The following CCN4 variants were observed in gnomAD, a reference collection of about 807,000 sequenced individuals.
CCN4 encodes CCN family member 4.
A neutral mutation model predicts 36.7 loss-of-function variants in CCN4; 30 were observed. The observed-to-expected ratio is 0.82, with a 90% CI of 0.61 to 1.11. The LOEUF (loss-of-function observed/expected upper bound fraction) is 1.11. CCN4 is among the 50% of genes least tolerant of loss of function. The pLI is 0.00. For synonymous variants in CCN4, 191 were observed against 195.4 expected (o/e 0.98, Z 0.19); for missense variants, 505 against 504.9 (o/e 1.00, Z 0.00).
chr8:133,209,412 T>G lies in CCN4; in HGVS notation c.70-3452T>G, dbSNP rs1301489035. On this transcript the variant is annotated intron_variant, in intron 1 of 4. Coordinates refer to ENST00000250160, the MANE Select transcript of CCN4 (RefSeq NM_003882.4). ...TGCACAGATCTTGTCCAGCACCTTC[T>G]CCTGAGTCTGGGAGATTTTCTACCA... Among the ~76,000 whole-genome samples, 7 of 152,300 alleles carry G rather than the reference T, an allele frequency of 4.6e-5. No individual in the cohort carries two copies. In the East Asian group the frequency reaches 1.4e-3, roughly 29 times the overall value.
intron 2 of CCN4, among the ~76,000 whole-genome samples, chr8:133,213,820 A>T (rs574355795): frequency 7.1e-4 from 104 of 145,598 alleles, no homozygotes; most frequent in Non-Finnish European, 1.0e-3. Flanking sequence ...TATACACTAT[A>T]TATAGTAGTT....
intron 1 of CCN4, 81 bp from the exon 2 acceptor site, chr8:133,212,783 C>A: frequency 1.8e-6 from 2 of 1,089,782 alleles, no homozygotes; most frequent in Non-Finnish European, 2.6e-6. Flanking sequence ...AGCATGAGGA[C>A]AGGAATGCAA....
rs773250312 is a variant in CCN4, at chr8:133,227,520, T to A, written c.914T>A (p.Met305Lys). The A allele has an allele frequency of 1.8e-5, 29 of 1,614,108 alleles. No individual in the cohort carries two copies. In the Admixed American group the frequency reaches 3.5e-4, roughly 19 times the overall value. ...SYQPKYCGVC[M>K]DNRCCIPYKS... ...CAACCCAAGTACTGTGGAGTTTGCA[T>A]GGACAATAGGTGCTGCATCCCCTAC... The change falls in exon 5 of 5, where the codon ATG becomes AAG. Residue 305 changes from methionine (M) to lysine (K), a missense_variant. Physicochemically the swap from Met to Lys is moderately conservative, Grantham distance 95. Coordinates refer to ENST00000250160, the MANE Select transcript of CCN4 (RefSeq NM_003882.4).
Position 133,227,642 on chromosome 8 carries a change from T to C in CCN4, c.1036T>C (p.Cys346Arg). The C allele has an allele frequency of 6.2e-7, 1 of 1,614,248 alleles. No homozygotes were observed. Among genetic ancestry groups the C allele is most frequent in the African/African-American group, 1.3e-5 (1 of 75,074 alleles). The change falls in exon 5 of 5, where the codon TGT (cysteine) becomes CGT (arginine). Residue 346 changes from cysteine to arginine, a missense_variant. Cys to Arg is a radical substitution (Grantham distance 180, BLOSUM62 -3). Transcript: ENST00000250160. Reference sequence around the variant, plus strand: ...TAATGCCTGCTTCTGTAACCTGAGCTGTAGGAATCCCAATGACATCTTTGC... The same window carrying C: ...TAATGCCTGCTTCTGTAACCTGAGCCGTAGGAATCCCAATGACATCTTTGC... The part of the protein sequence containing the change: ...WINACFCNLS[C>R]RNPNDIFADL...
At position 133,220,974 on chromosome 8, in the gene CCN4, A is replaced by G. The variant is rs553826219; in HGVS notation, c.610+133A>G. The G allele has an allele frequency of 3.7e-5, 46 of 1,237,464 alleles. No homozygotes were observed. The African/African-American group carries it at 5.5e-4, about 15-fold the overall frequency. 76.7% of individuals were successfully genotyped at this position (1,237,464 alleles called of 1,614,324 possible). A position where few individuals can be genotyped will look rare whatever the true frequency, so the allele number is the denominator to read the frequency against. The stretch of plus-strand genomic sequence containing the variant: ...CTAGCTTTGTGACCTTGAGAAAGTC[A>G]TACCTCCCCTGAGACCCTATTTCCC... On this transcript the variant is annotated intron_variant, in intron 3 of 4. Transcript: ENST00000250160.
intron 1 of CCN4, among the ~76,000 whole-genome samples, chr8:133,206,731 G>A (rs1369798266): frequency 6.6e-6 from 1 of 152,168 alleles, no homozygotes. Flanking sequence ...TGGGGCCGAG[G>A]GAGGCTGCCA....
At position 133,220,660 on chromosome 8, in the gene CCN4, C is replaced by G. The variant is rs1197240519; in HGVS notation, c.429C>G (p.Asn143Lys). The change falls in exon 3 of 5, where the codon AAC becomes AAG. Residue 143 changes from asparagine to lysine, a missense_variant. Transcript: ENST00000250160. ...GQSFQPNCKY[N>K]CTCIDGAVGC... Reference sequence around the variant, plus strand: ...CCTTCCAGCCTAACTGCAAGTACAACTGCACGTGCATCGACGGCGCGGTGG... The same window carrying G: ...CCTTCCAGCCTAACTGCAAGTACAAGTGCACGTGCATCGACGGCGCGGTGG... 1 of 1,614,194 alleles carries G rather than the reference C, an allele frequency of 6.2e-7. No individual in the cohort carries two copies. The highest frequency in any genetic ancestry group is 2.2e-5 in the East Asian group (1 of 44,874).
In CCN4 at chr8:133,225,534, G is replaced by A. The variant is rs1554744908; in HGVS notation, c.755G>A (p.Arg252His). 6.2e-6 allele frequency: 10 copies of A among 1,613,274 alleles called. No homozygotes were observed. The highest frequency in any genetic ancestry group is 4.0e-5 in the African/African-American group (3 of 75,026). The change falls in exon 4 of 5, where the codon CGC becomes CAC. Residue 252 changes from arginine (R) to histidine (H), a missense_variant. Coordinates refer to ENST00000250160, the MANE Select transcript of CCN4 (RefSeq NM_003882.4). ...NAQCWPEQES[R>H]LCNLRPCDVD... ...CAGTGCTGGCCTGAGCAAGAGAGCC[G>A]CCTCTGCAACTTGCGGCCATGCGAT... is the stretch of plus-strand genomic sequence containing the variant.
intron 1 of CCN4, among the ~76,000 whole-genome samples, chr8:133,207,548 C>A (rs1042126539): frequency 1.3e-5 from 2 of 152,354 alleles, no homozygotes; most frequent in East Asian, 1.9e-4. Context: ...ACAAGGCAGA[C>A]CTTGGTTCCA....
rs1183133869 is a variant in CCN4 at position 133,213,279 on chromosome 8, G to A, written c.349+136G>A. 6 of 1,098,524 alleles carry A rather than the reference G, an allele frequency of 5.5e-6. No homozygotes were observed. In the East Asian group the frequency reaches 1.3e-4, roughly 23 times the overall value. 68.0% of individuals were successfully genotyped at this position (1,098,524 alleles called of 1,614,324 possible). The stretch of plus-strand genomic sequence containing the variant: ...CAGCAGGAGATACACCCCATGATCA[G>A]AGGCCAGAGGCTGGGTCCTTCCTGG... On this transcript the variant is annotated intron_variant, in intron 2 of 4. Coordinates refer to ENST00000250160, the MANE Select transcript of CCN4 (RefSeq NM_003882.4).
chr8:133,204,616 G>T lies in CCN4; in HGVS notation c.70-8248G>T, dbSNP rs376587436. On this transcript the variant is annotated intron_variant, in intron 1 of 4. Transcript: ENST00000250160. ...GTCACCCAGGCTGGAATGCAGTGGT[G>T]CAATCTTTGCTCACTACAGCCTCTG... Among the ~76,000 whole-genome samples the T allele has an allele frequency of 6.6e-5, 10 of 152,314 alleles. 1 individual carries two copies. The highest frequency in any genetic ancestry group is 2.2e-4 in the African/African-American group (9 of 41,570).
chr8:133,209,311 C>T (rs1424060321), intron 1 of CCN4, among the ~76,000 whole-genome samples: 1 of 152,226 alleles, frequency 6.6e-6, no homozygotes, highest in East Asian at 1.9e-4. Context: ...CAGTGCTGGA[C>T]AAGGCAGCTG....
intron 1 of CCN4, among the ~76,000 whole-genome samples, chr8:133,204,547 C>T (rs924975506): frequency 3.3e-5 from 5 of 152,282 alleles, no homozygotes; most frequent in East Asian, 1.9e-4. Context: ...AAACTTAAGG[C>T]GAATATTCAA....
intron 1 of CCN4, among the ~76,000 whole-genome samples, chr8:133,207,566 C>G (rs1285760720): frequency 6.6e-6 from 1 of 152,250 alleles, no homozygotes; most frequent in African/African-American, 2.4e-5. Context: ...CCATCCCTGA[C>G]TACCTGACCT....
chr8:133,224,465 C>G (rs979288615), intron 3 of CCN4, among the ~76,000 whole-genome samples: 1 of 151,636 alleles, frequency 6.6e-6, no homozygotes, highest in Non-Finnish European at 1.5e-5. Context: ...GTCTCAAACT[C>G]CTGACCTCAA....
Position 133,212,931 on chromosome 8 carries a change from C to T in CCN4, c.137C>T (p.Pro46Leu), listed in dbSNP as rs752140984. 1 of 1,613,674 alleles carries T rather than the reference C, an allele frequency of 6.2e-7. No individual in the cohort carries two copies. The highest frequency in any genetic ancestry group is 8.5e-7 in the Non-Finnish European group (1 of 1,179,780). Reference protein sequence around the residue: ...PAPLEDTSSRPQFCKWPCECP... With the variant: ...PAPLEDTSSRLQFCKWPCECP... ...CCACTGGAGGACACCTCCTCACGCC[C>T]CCAATTCTGCAAGTGGCCATGTGAG... The change falls in exon 2 of 5, where the codon CCC becomes CTC. Residue 46 changes from proline to leucine, a missense_variant. Coordinates refer to ENST00000250160, the MANE Select transcript of CCN4 (RefSeq NM_003882.4).
intron 1 of CCN4, among the ~76,000 whole-genome samples, chr8:133,205,001 A>C (rs1375419301): frequency 6.6e-6 from 1 of 152,202 alleles, no homozygotes; most frequent in Non-Finnish European, 1.5e-5. Flanking sequence ...TTAAAGCCCC[A>C]GGGTAGTTGT....
chr8:133,231,469 C>T lies in CCN4; in HGVS notation c.*3759C>T, dbSNP rs1359516609. 6.6e-6 allele frequency: 1 copy of T among 152,264 alleles called. No individual in the cohort carries two copies. Among genetic ancestry groups the T allele is most frequent in the Non-Finnish European group, 1.5e-5 (1 of 68,004 alleles). 9.4% of individuals were successfully genotyped at this position (152,264 alleles called of 1,614,324 possible). A position where few individuals can be genotyped will look rare whatever the true frequency, so the allele number is the denominator to read the frequency against. ...AACACTTGGGCAATCTGTCATGTTT[C>T]ACAACAGTTCTCATTTTTCTCATGA... On this transcript the variant is annotated 3_prime_UTR_variant, in exon 5 of 5. Coordinates refer to ENST00000250160, the MANE Select transcript of CCN4 (RefSeq NM_003882.4).
chr8:133,226,899 G>A (rs1854755956), intron 4 of CCN4, among the ~76,000 whole-genome samples: 1 of 152,228 alleles, frequency 6.6e-6, no homozygotes, highest in African/African-American at 2.4e-5. Flanking sequence ...GTGGCCCATA[G>A]CCCAGTGGAA....
Sources: allele counts gnomAD v4.1 joint callset (sites outside exome capture counted in the v4.1 genomes callset), GRCh38; gene constraint gnomAD v4.1.1; transcripts MANE v1.5; gene names NCBI Gene and HGNC (gene_info 2026-07-23, HGNC 2026-07-21).